Variants in ATRX observed in about 807,000 individuals in gnomAD.
ATRX encodes chromatin remodeler ATRX.
A neutral mutation model predicts 172.6 loss-of-function variants in ATRX; 12 were observed. The observed-to-expected ratio is 0.07, with a 90% confidence interval of 0.04 to 0.11. ATRX has a LOEUF of 0.11. Ranked by LOEUF, ATRX falls within the 10% of genes least tolerant of loss-of-function variation. The pLI, the probability that ATRX is intolerant of heterozygous loss-of-function variation, is 1.00. For synonymous variants in ATRX, 674 were observed against 594.7 expected (o/e 1.13, Z -1.94); for missense variants, 1,368 against 1,767.4 (o/e 0.77, Z 4.05).
At chrX:77,555,037 T>G (rs781898736) in intron 30 of ATRX, among the ~76,000 whole-genome samples, 17 of 112,077 alleles carry the variant, frequency 1.5e-4, no homozygotes, top group South Asian at 1.5e-3. Context: ...AAATGGGATG[T>G]CGGGATCAGA....
At chrX:77,758,922 C>T (rs1427185555) in intron 1 of ATRX, among the ~76,000 whole-genome samples, 4 of 111,795 alleles carry the variant, frequency 3.6e-5, no homozygotes, top group Non-Finnish European at 7.5e-5. Flanking sequence ...CGTAAAGCTG[C>T]CATTTCTTTT....
chrX:77,782,788 C>A (rs1420285197), intron 1 of ATRX, among the ~76,000 whole-genome samples: 2 of 110,739 alleles, frequency 1.8e-5, no homozygotes, highest in East Asian at 5.7e-4. Context: ...AATTAAAGTT[C>A]ATCAGTCATG....
rs1557150044 is a variant in ATRX at position 77,696,692 on chromosome X, A to G, written c.255T>C (p.Ile85=). 8.3e-7 allele frequency: 1 copy of G among 1,198,328 alleles called. No individual in the cohort carries two copies. Among genetic ancestry groups the G allele is most frequent in the Middle Eastern group, 2.4e-4 (1 of 4,252 alleles). ...GSSRSKRKPS[I]VTKYVESDDE... is the part of the protein sequence containing the mutation. ...CATCTGATTCTACATACTTTGTTAC[A>G]ATTGAAGGTTTCCTATGAAAGAATT... is the stretch of plus-strand genomic sequence containing the variant. The change falls in exon 5 of 35, where the codon ATT becomes ATC. Residue 85 remains isoleucine (I), a synonymous_variant. Coordinates refer to ENST00000373344, the MANE Select transcript of ATRX (RefSeq NM_000489.6).
At chrX:77,521,174 CA>C (rs1557041232) in intron 33 of ATRX, 9 of 433,174 alleles carry the variant, frequency 2.1e-5, no homozygotes, top group Non-Finnish European at 3.6e-5. Flanking sequence ...ACAATGCATA[CA>C]TTTCCATGTT....
At chrX:77,637,970 C>CA (rs1486767528) in intron 15 of ATRX, among the ~76,000 whole-genome samples, 8 of 76,128 alleles carry the variant, frequency 1.1e-4, no homozygotes, top group Non-Finnish European at 1.1e-4. Context: ...CACAAACAAA[C>CA]AAAAAAAACT....
chrX:77,585,761 G>C (rs782540956), intron 27 of ATRX, among the ~76,000 whole-genome samples: 15 of 109,855 alleles, frequency 1.4e-4, no homozygotes, highest in African/African-American at 4.9e-4. Flanking sequence ...ATCAACAGAT[G>C]AATGGATAAT....
At chrX:77,759,559 C>T (rs2075640443) in intron 1 of ATRX, among the ~76,000 whole-genome samples, 1 of 109,349 alleles carries the variant, frequency 9.1e-6, no homozygotes, top group Admixed American at 9.9e-5. Context: ...ACTAAAAATA[C>T]AAAAATTAGC....
chrX:77,613,544 A>T (rs781974001), intron 22 of ATRX, among the ~76,000 whole-genome samples: 6 of 112,181 alleles, frequency 5.3e-5, no homozygotes, highest in African/African-American at 1.9e-4. Flanking sequence ...GTTTCAACCA[A>T]ATGTTGATTG....
intron 1 of ATRX, among the ~76,000 whole-genome samples, chrX:77,775,016 G>A (rs1785947361): frequency 9.0e-6 from 1 of 111,414 alleles, no homozygotes; most frequent in South Asian, 3.7e-4. Flanking sequence ...TAACAGGTGT[G>A]GGAGGCCGCA....
intron 22 of ATRX, among the ~76,000 whole-genome samples, chrX:77,605,975 T>C (rs2066890772): frequency 9.0e-6 from 1 of 111,418 alleles, no homozygotes; most frequent in Admixed American, 9.5e-5. Flanking sequence ...ACCAACTATA[T>C]GCCAATAAAT....
chrX:77,612,940 G>A (rs2067218422), intron 22 of ATRX, among the ~76,000 whole-genome samples: 1 of 111,668 alleles, frequency 9.0e-6, no homozygotes, highest in Admixed American at 9.5e-5. Context: ...CCCTTTATAA[G>A]GCTAATATTC....
intron 8 of ATRX, 94 bp downstream of exon 8, chrX:77,684,845 A>G: frequency 3.5e-6 from 3 of 851,750 alleles, no homozygotes; most frequent in Admixed American, 4.5e-5. Context: ...GACATCAATG[A>G]CGATACTATG....
chrX:77,742,666 A>C (rs554307836), intron 1 of ATRX, among the ~76,000 whole-genome samples: 2 of 112,067 alleles, frequency 1.8e-5, no homozygotes, highest in South Asian at 7.5e-4. Context: ...TCTAGGAAGC[A>C]AAAGGAAAAC....
At chrX:77,732,028 C>G (rs1175709053) in intron 1 of ATRX, among the ~76,000 whole-genome samples, 1 of 112,014 alleles carries the variant, frequency 8.9e-6, no homozygotes, top group Non-Finnish European at 1.9e-5. Flanking sequence ...AACTTGTTAA[C>G]ACACAGCCAT....
intron 25 of ATRX, chrX:77,594,285 G>A (rs782045717): frequency 7.1e-4 from 80 of 113,007 alleles, no homozygotes; most frequent in Non-Finnish European, 1.3e-3. Flanking sequence ...CAGTTACCAC[G>A]AGAGAAAAGA....
chrX:77,625,067 T>C (rs2067772043), intron 19 of ATRX, among the ~76,000 whole-genome samples: 1 of 112,029 alleles, frequency 8.9e-6, no homozygotes, highest in African/African-American at 3.2e-5. Context: ...TGGAACAGAA[T>C]AGAGGACTCA....
At chrX:77,778,471 C>T (rs1287886957) in intron 1 of ATRX, among the ~76,000 whole-genome samples, 20 of 107,953 alleles carry the variant, frequency 1.9e-4, no homozygotes, top group African/African-American at 6.8e-4. Flanking sequence ...GCCTGTAATC[C>T]CAGCACTTTG....
intron 28 of ATRX, among the ~76,000 whole-genome samples, chrX:77,560,580 T>G (rs2064983060): frequency 9.0e-6 from 1 of 111,268 alleles, no homozygotes; most frequent in Non-Finnish European, 1.9e-5. Context: ...CACAAAATGT[T>G]TTTCTTTTCT....
intron 2 of ATRX, among the ~76,000 whole-genome samples, chrX:77,710,933 A>AACACACACAC (rs145847838): frequency 1.8e-4 from 18 of 97,911 alleles, no homozygotes; most frequent in African/African-American, 5.4e-4. Context: ...ATAGAACTTT[A>AACACACACAC]ACACACACAC....
Sources: gnomAD v4.1 joint callset for allele counts (sites outside exome capture counted in the v4.1 genomes callset) on GRCh38, gnomAD v4.1.1 for gene constraint, MANE v1.5 for transcripts, NCBI Gene and HGNC (gene_info 2026-07-23, HGNC 2026-07-21) for gene names.